PIP5K1C: variants seen among roughly 807,000 people sequenced by gnomAD.
PIP5K1C encodes phosphatidylinositol-4-phosphate 5-kinase type 1 gamma.
Under a neutral mutation model 80.1 loss-of-function variants are expected in PIP5K1C, and 45 were observed. The observed-to-expected ratio is 0.56, with a 90% CI of 0.44 to 0.72. The LOEUF (loss-of-function observed/expected upper bound fraction) is 0.72, where lower values mean the gene tolerates loss of function less well. Among genes scored for constraint, PIP5K1C ranks in the 30% least tolerant of loss-of-function variants. The pLI is 0.00. For missense variants in PIP5K1C, 753 were observed against 954.6 expected (o/e 0.79, Z 2.78); for synonymous variants, 498 against 420.1 (o/e 1.19, Z -2.27).
Position 3,641,748 on chromosome 19 carries a change from C to G in PIP5K1C, c.1744G>C (p.Ala582Pro), listed in dbSNP as rs1282118244. 1 of 1,611,472 alleles carries G rather than the reference C, an allele frequency of 6.2e-7. No individual in the cohort carries two copies. Among genetic ancestry groups the G allele is most frequent in the Non-Finnish European group, 8.5e-7 (1 of 1,180,022 alleles). ...GGGACCACAATCTCCACGCTGCACG[C>G]AGGCTCCACCTGCACTGTAATCTGC... ...LQQITVQVEPACSVEIVVPKE... is the reference protein window; with the variant it reads ...LQQITVQVEPPCSVEIVVPKE... The change falls in exon 15 of 18, where the codon GCG becomes CCG. Residue 582 changes from alanine (A) to proline (P), a missense_variant. Ala to Pro is a conservative substitution (Grantham distance 27). Around this residue, in one of 6 missense-constraint regions of PIP5K1C, gnomAD observed 315 missense variants for 294.5 expected, o/e 1.07. Transcript: ENST00000335312.
intron 1 of PIP5K1C, among the ~76,000 whole-genome samples, chr19:3,700,049 C>A (rs1039846595): frequency 1.3e-5 from 2 of 152,124 alleles, no homozygotes; most frequent in Admixed American, 1.3e-4. Flanking sequence ...GGATCCCCAG[C>A]GGCGCCCACG....
At chr19:3,643,105 A>T (rs1001675976) in intron 13 of PIP5K1C, 138 bp downstream of exon 13, 8 of 1,472,956 alleles carry the variant, frequency 5.4e-6, no homozygotes, top group Non-Finnish European at 7.5e-6. Context: ...GCGCACCCAC[A>T]TGCAGTGTAT....
At chr19:3,690,261 C>T (rs1452011223) in intron 1 of PIP5K1C, among the ~76,000 whole-genome samples, 1 of 151,950 alleles carries the variant, frequency 6.6e-6, no homozygotes, top group African/African-American at 2.4e-5. Context: ...CATCGAGAAG[C>T]CAAGGCAAGA....
intron 13 of PIP5K1C, 136 bp downstream of exon 13, chr19:3,643,107 G>A: frequency 4.1e-6 from 6 of 1,469,446 alleles, no homozygotes; most frequent in Non-Finnish European, 5.6e-6. Context: ...GCACCCACAT[G>A]CAGTGTATGT....
chr19:3,641,528 C>G (rs916733093), intron 15 of PIP5K1C, among the ~76,000 whole-genome samples, 177 bp downstream of exon 15: 2 of 152,178 alleles, frequency 1.3e-5, no homozygotes, highest in Admixed American at 6.5e-5. Context: ...CTAGGATCAC[C>G]CCGGCTAGTC....
At chr19:3,644,476 G>C (rs2034126887) in intron 11 of PIP5K1C, among the ~76,000 whole-genome samples, 1 of 152,286 alleles carries the variant, frequency 6.6e-6, no homozygotes, top group East Asian at 1.9e-4. Context: ...GTCTCTATGA[G>C]ACACACTGGG....
chr19:3,641,616 C>A (rs1568312724), intron 15 of PIP5K1C, 89 bp downstream of exon 15: 6 of 913,792 alleles, frequency 6.6e-6, no homozygotes, highest in Non-Finnish European at 8.9e-6. Context: ...TAAGAAAGAA[C>A]TGCTTCATGA....
Position 3,644,111 on chromosome 19 carries a change from T to A in PIP5K1C, c.1486A>T (p.Ser496Cys). The A allele has an allele frequency of 6.2e-7, 1 of 1,611,424 alleles. No individual in the cohort carries two copies. Among genetic ancestry groups the A allele is most frequent in the East Asian group, 2.2e-5 (1 of 44,870 alleles). ...EAQYDLRGAR[S>C]YPTLEDEGRP... is the part of the protein sequence containing the mutation. ...CCTTCGTCCTCCAGCGTGGGGTAGCTGCGGGCCCCCCGCAGGTCGTACTGG... is the reference window on the plus strand; with the variant it reads ...CCTTCGTCCTCCAGCGTGGGGTAGCAGCGGGCCCCCCGCAGGTCGTACTGG... Residue 496 changes from serine (S) to cysteine (C), a missense_variant, in exon 12 of 18, where the codon AGC becomes TGC. Physicochemically the swap from Ser to Cys is moderately radical, Grantham distance 112. Transcript: ENST00000335312.
chr19:3,698,499 G>A (rs2036195530), intron 1 of PIP5K1C, among the ~76,000 whole-genome samples: 1 of 152,250 alleles, frequency 6.6e-6, no homozygotes, highest in African/African-American at 2.4e-5. Flanking sequence ...GCAGTTCACA[G>A]AGTCATAAAC....
At chr19:3,655,521 T>C (rs1359812009) in intron 6 of PIP5K1C, among the ~76,000 whole-genome samples, 1 of 152,258 alleles carries the variant, frequency 6.6e-6, no homozygotes, top group Non-Finnish European at 1.5e-5. Flanking sequence ...AAATAATGCG[T>C]ATGGGCACAT....
intron 1 of PIP5K1C, among the ~76,000 whole-genome samples, chr19:3,668,638 T>C (rs779388508): frequency 6.6e-6 from 1 of 152,212 alleles, no homozygotes; most frequent in Non-Finnish European, 1.5e-5. Context: ...TGTCAGCGAC[T>C]GCAGGGATCG....
At chr19:3,672,203 G>A (rs760044256) in intron 1 of PIP5K1C, among the ~76,000 whole-genome samples, 6 of 152,226 alleles carry the variant, frequency 3.9e-5, no homozygotes, top group Non-Finnish European at 8.8e-5. Context: ...AAGCCAGCTC[G>A]AGCCCTAGAG....
At chr19:3,647,807 C>T (rs1171951885) in intron 9 of PIP5K1C, among the ~76,000 whole-genome samples, 2 of 152,158 alleles carry the variant, frequency 1.3e-5, no homozygotes, top group Non-Finnish European at 2.9e-5. Flanking sequence ...ATTAGCCGGG[C>T]GTGCTGGCGC....
intron 1 of PIP5K1C, among the ~76,000 whole-genome samples, chr19:3,683,363 G>C (rs2035649054): frequency 6.6e-6 from 1 of 152,152 alleles, no homozygotes; most frequent in African/African-American, 2.4e-5. Context: ...GGTTGGATGG[G>C]GTCAAGAGCC....
At chr19:3,677,950 GGGAT>G (rs1421844432) in intron 1 of PIP5K1C, among the ~76,000 whole-genome samples, 18 of 130,836 alleles carry the variant, frequency 1.4e-4, no homozygotes, top group African/African-American at 4.7e-4. Context: ...GATGGAGGGA[GGGAT>G]GGATGGATGG....
intron 3 of PIP5K1C, among the ~76,000 whole-genome samples, chr19:3,663,852 T>C (rs1307900857): frequency 2.6e-5 from 4 of 152,206 alleles, no homozygotes; most frequent in African/African-American, 9.7e-5. Context: ...TACACGTGAC[T>C]TGGCAATTCC....
At chr19:3,677,565 A>C (rs1204406807) in intron 1 of PIP5K1C, among the ~76,000 whole-genome samples, 4 of 151,238 alleles carry the variant, frequency 2.6e-5, no homozygotes, top group East Asian at 3.9e-4. Context: ...CCTGGGCAAC[A>C]GAGTGAGACT....
intron 1 of PIP5K1C, among the ~76,000 whole-genome samples, chr19:3,691,628 C>T (rs1252420234): frequency 1.3e-5 from 2 of 152,292 alleles, no homozygotes; most frequent in East Asian, 1.9e-4. Context: ...ACCAAAGCCT[C>T]GGGAACTGTA....
Position 3,633,020 on chromosome 19 carries a change from C to T in PIP5K1C, c.*147G>A, listed in dbSNP as rs370636104. ...GCTTGTCGGGGAGGGGCCCGGCCGTCGGCATCCGTGCAGGGGGAGGACGAG... is the reference window on the plus strand; with the variant it reads ...GCTTGTCGGGGAGGGGCCCGGCCGTTGGCATCCGTGCAGGGGGAGGACGAG... On this transcript the variant is annotated 3_prime_UTR_variant, in exon 18 of 18. Coordinates refer to ENST00000335312, the MANE Select transcript of PIP5K1C (RefSeq NM_012398.3). The T allele has an allele frequency of 2.0e-4, 110 of 558,382 alleles. 2 individuals carry two copies. Among genetic ancestry groups the T allele is most frequent in the South Asian group, 1.1e-3 (51 of 44,756 alleles). The allele number at this position is 558,382 out of a possible 1,614,324, so 34.6% of individuals were successfully genotyped here.
Sources: gnomAD v4.1 joint callset for allele counts (sites outside exome capture counted in the v4.1 genomes callset) on GRCh38, gnomAD v4.1.1 for gene constraint, gnomAD v4.1.1 regional missense constraint, MANE v1.5 for transcripts, NCBI Gene and HGNC (gene_info 2026-07-23, HGNC 2026-07-21) for gene names.